ECT2L: variants seen among roughly 807,000 people sequenced by gnomAD.
The protein encoded by ECT2L is epithelial cell-transforming sequence 2 oncogene-like.
Under a neutral mutation model 122.8 loss-of-function variants are expected in ECT2L, and 126 were observed. That is an observed-to-expected ratio of 1.03 (90% CI 0.89 to 1.19). The LOEUF is 1.19. Ranked by LOEUF, ECT2L falls within the 50% of genes most tolerant of loss-of-function variation. The pLI is 0.00. For synonymous variants in ECT2L, 385 were observed against 381.8 expected (o/e 1.01, Z -0.10); for missense variants, 1,012 against 1,064.1 (o/e 0.95, Z 0.68).
intron 5 of ECT2L, among the ~76,000 whole-genome samples, chr6:138,841,052 T>C (rs2128388280): frequency 6.6e-6 from 1 of 152,324 alleles, no homozygotes; most frequent in African/African-American, 2.4e-5. Flanking sequence ...CTTAAACCCA[T>C]CCATTGAGTT....
chr6:138,848,113 T>C (rs1414915837), intron 8 of ECT2L, among the ~76,000 whole-genome samples: 1 of 152,168 alleles, frequency 6.6e-6, no homozygotes, highest in Admixed American at 6.5e-5. Flanking sequence ...GAAACTGCCC[T>C]CATGATCCAG....
At chr6:138,881,230 TTTA>T (rs1412185656) in intron 15 of ECT2L, 59 bp downstream of exon 15, 28 of 1,516,834 alleles carry the variant, frequency 1.8e-5, no homozygotes, top group South Asian at 2.4e-5. Flanking sequence ...GAGCCCATGC[TTTA>T]TTGTTTCAAA....
At chr6:138,847,534 CTAA>C (rs1777274935) in intron 8 of ECT2L, among the ~76,000 whole-genome samples, 1 of 143,984 alleles carries the variant, frequency 6.9e-6, no homozygotes, top group African/African-American at 2.6e-5. Context: ...CCATGCCCGG[CTAA>C]TTTTTTTTTT....
chr6:138,803,718 A>G (rs975844992), intron 1 of ECT2L, among the ~76,000 whole-genome samples: 1 of 152,204 alleles, frequency 6.6e-6, no homozygotes, highest in Admixed American at 6.5e-5. Flanking sequence ...TAAAGCCTCA[A>G]TTTTGGGGAG....
At chr6:138,810,479 T>A (rs1222634193) in intron 1 of ECT2L, among the ~76,000 whole-genome samples, 2 of 152,080 alleles carry the variant, frequency 1.3e-5, no homozygotes, top group Non-Finnish European at 2.9e-5. Context: ...GCAGTTAACT[T>A]TAGAGAGAGA....
intron 4 of ECT2L, among the ~76,000 whole-genome samples, chr6:138,827,553 A>G (rs977770736): frequency 1.3e-5 from 2 of 150,360 alleles, no homozygotes; most frequent in Non-Finnish European, 3.0e-5. Flanking sequence ...ACCCTGGGTT[A>G]TTATTTGTTT....
Position 138,876,471 on chromosome 6 carries a change from G to A in ECT2L, c.1579-1G>A, listed in dbSNP as rs79069095. ...TAACCAAGTTTCCATTCAATCTTCA[G>A]GAAAGAAATGTTGTAGAAGACAATT... On this transcript the variant is annotated splice_acceptor_variant, in intron 13 of 21. Coordinates refer to ENST00000541398, the MANE Select transcript of ECT2L (RefSeq NM_001077706.3). LOFTEE classifies it high-confidence loss of function. 1 of 1,608,192 alleles carries A rather than the reference G, an allele frequency of 6.2e-7. No homozygotes were observed. The highest frequency in any genetic ancestry group is 8.5e-7 in the Non-Finnish European group (1 of 1,175,624).
At chr6:138,825,133 G>T (rs1776400794) in intron 4 of ECT2L, among the ~76,000 whole-genome samples, 2 of 152,164 alleles carry the variant, frequency 1.3e-5, no homozygotes, top group South Asian at 2.1e-4. Context: ...CTCAGGATGG[G>T]ATATTTACGC....
In ECT2L at chr6:138,847,676, C is replaced by T. The variant is rs371905361; in HGVS notation, c.903+999C>T. On this transcript the variant is annotated intron_variant, in intron 8 of 21. Transcript: ENST00000541398. ...ACAGGCGTAAGCCACCGCACCCAGC[C>T]TAAAGGCCCAAACTTTTAACTGAGG... 9.2e-5 allele frequency among the ~76,000 whole-genome samples: 14 copies of T among 151,376 alleles called. 1 individual carries two copies. The South Asian group carries it at 2.9e-3, about 32-fold the overall frequency.
At chr6:138,840,661 T>G (rs1394881555) in intron 5 of ECT2L, among the ~76,000 whole-genome samples, 1 of 152,148 alleles carries the variant, frequency 6.6e-6, no homozygotes, top group Non-Finnish European at 1.5e-5. Context: ...TGTTGATCCT[T>G]TAAAGGTAAC....
chr6:138,817,304 A>G (rs1776102199), intron 4 of ECT2L, among the ~76,000 whole-genome samples: 2 of 152,226 alleles, frequency 1.3e-5, no homozygotes, highest in Admixed American at 1.3e-4. Flanking sequence ...TAGGAGTGGA[A>G]TTGCTGGGTC....
chr6:138,814,700 G>GAA, intron 4 of ECT2L, 97 bp downstream of exon 4: 2 of 672,566 alleles, frequency 3.0e-6, no homozygotes, highest in Non-Finnish European at 4.7e-6. Flanking sequence ...TTCCTAGGGA[G>GAA]AAAAAAAAAC....
intron 5 of ECT2L, among the ~76,000 whole-genome samples, chr6:138,840,059 C>T (rs538424110): frequency 6.6e-6 from 1 of 152,056 alleles, no homozygotes; most frequent in Non-Finnish European, 1.5e-5. Flanking sequence ...TATATATGTA[C>T]TATATACTGT....
chr6:138,844,276 G>C, intron 6 of ECT2L, 136 bp from the exon 7 acceptor site: 1 of 955,158 alleles, frequency 1.0e-6, no homozygotes, highest in Non-Finnish European at 1.5e-6. Context: ...CAAACCGAGT[G>C]CATGAAAATG....
intron 20 of ECT2L, among the ~76,000 whole-genome samples, chr6:138,898,817 C>T (rs138793467): frequency 5.5e-4 from 83 of 152,216 alleles, no homozygotes; most frequent in African/African-American, 2.0e-3. Context: ...CCTTTCAAGA[C>T]CCCCAGTAGA....
Position 138,900,982 on chromosome 6 carries a change from C to G in ECT2L, c.2449C>G (p.Leu817Val). The change falls in exon 21 of 22, where the codon CTC (leucine) becomes GTC (valine). Residue 817 changes from leucine to valine, a missense_variant. Leu to Val is a conservative substitution (Grantham distance 32). Transcript: ENST00000541398. ...ACACATCCATGATCTCAGCCTTTTC[C>G]TCTTCAATGATGCCCTGCTCGTTTC... is the stretch of plus-strand genomic sequence containing the variant. Reference protein sequence around the residue: ...YEHIHDLSLFLFNDALLVSSR... With the variant: ...YEHIHDLSLFVFNDALLVSSR... The G allele has an allele frequency of 6.2e-7, 1 of 1,614,142 alleles. No homozygotes were observed. The highest frequency in any genetic ancestry group is 8.5e-7 in the Non-Finnish European group (1 of 1,180,012).
At chr6:138,849,750 G>A (rs1777367159) in intron 9 of ECT2L, among the ~76,000 whole-genome samples, 1 of 151,832 alleles carries the variant, frequency 6.6e-6, no homozygotes, top group South Asian at 2.1e-4. Context: ...TGTATTTTTT[G>A]TAGAGATGGG....
intron 9 of ECT2L, among the ~76,000 whole-genome samples, chr6:138,850,160 G>C (rs7762859): frequency 0.58 from 86,925 of 150,680 alleles, 25,139 homozygotes; most frequent in Middle Eastern, 0.73. Context: ...CTTTTTTCGA[G>C]ACAGAGTCTT....
At chr6:138,849,729 C>T (rs1446057604) in intron 9 of ECT2L, among the ~76,000 whole-genome samples, 1 of 151,968 alleles carries the variant, frequency 6.6e-6, no homozygotes, top group Non-Finnish European at 1.5e-5. Flanking sequence ...CCGCCACGCC[C>T]AGCTAATTTT....
Sources: allele counts gnomAD v4.1 joint callset (sites outside exome capture counted in the v4.1 genomes callset), GRCh38; gene constraint gnomAD v4.1.1; transcripts MANE v1.5; gene names NCBI Gene and HGNC (gene_info 2026-07-23, HGNC 2026-07-21).